The following ZFR variants were observed in gnomAD, a reference collection of about 807,000 sequenced individuals.
The protein encoded by ZFR is zinc finger RNA-binding protein.
ZFR carries 19 observed loss-of-function variants against 130.7 expected under a neutral mutation model. The observed-to-expected ratio is 0.15, with a 90% CI of 0.10 to 0.21. ZFR has a LOEUF of 0.21. ZFR is among the 10% of genes least tolerant of loss of function. The pLI, the probability that ZFR is intolerant of heterozygous loss-of-function variation, is 1.00. For synonymous variants in ZFR, 466 were observed against 456.9 expected (o/e 1.02, Z -0.25); for missense variants, 872 against 1,321.5 (o/e 0.66, Z 5.27).
intron 2 of ZFR, among the ~76,000 whole-genome samples, chr5:32,436,477 T>G (rs1438430795): frequency 6.6e-6 from 1 of 152,120 alleles, no homozygotes; most frequent in Non-Finnish European, 1.5e-5. Context: ...TATTTTTCTA[T>G]AAATAATTTA....
rs1164089061 is a variant in ZFR, at chr5:32,395,155, T to G, written c.1979+4A>C. On this transcript the variant is annotated splice_donor_region_variant and intron_variant, in intron 11 of 19. Coordinates refer to ENST00000265069, the MANE Select transcript of ZFR (RefSeq NM_016107.5). The stretch of plus-strand genomic sequence containing the variant: ...ACCAGGCTATTAAAAGTTAAAGATA[T>G]TACCTCATTTCCATTCTCCAACGCT... The G allele has an allele frequency of 1.3e-6, 2 of 1,588,556 alleles. No individual in the cohort carries two copies. The highest frequency in any genetic ancestry group is 2.3e-5 in the South Asian group (2 of 86,376).
intron 2 of ZFR, among the ~76,000 whole-genome samples, chr5:32,436,429 G>A (rs1754336811): frequency 6.6e-6 from 1 of 151,900 alleles, no homozygotes; most frequent in African/African-American, 2.4e-5. Context: ...GGTAATACAG[G>A]CGTGAGCCAC....
chr5:32,405,546 G>A (rs1402541343), intron 6 of ZFR, among the ~76,000 whole-genome samples: 8 of 152,134 alleles, frequency 5.3e-5, no homozygotes, highest in Non-Finnish European at 1.0e-4. Flanking sequence ...TCACCCAAGC[G>A]TCACGCTGTA....
chr5:32,411,901 G>T (rs1248879724), intron 5 of ZFR, among the ~76,000 whole-genome samples: 1 of 152,006 alleles, frequency 6.6e-6, no homozygotes, highest in Non-Finnish European at 1.5e-5. Flanking sequence ...ACAAATTTTG[G>T]TATCAATGGG....
chr5:32,398,837 C>T (rs199830102), intron 9 of ZFR, among the ~76,000 whole-genome samples: 1 of 151,932 alleles, frequency 6.6e-6, no homozygotes, highest in Non-Finnish European at 1.5e-5. Flanking sequence ...GTGTGCGCAA[C>T]TACTGGCCTT....
chr5:32,371,149 C>T (rs1220128608), intron 17 of ZFR, among the ~76,000 whole-genome samples: 2 of 152,122 alleles, frequency 1.3e-5, no homozygotes, highest in Non-Finnish European at 2.9e-5. Flanking sequence ...GCAAGAGGAT[C>T]GCTTGAGCCC....
Position 32,444,708 on chromosome 5 carries a change from T to C in ZFR, c.-50A>G, listed in dbSNP as rs1302061809. 2 of 1,498,684 alleles carry C rather than the reference T, an allele frequency of 1.3e-6. No individual in the cohort carries two copies. The highest frequency in any genetic ancestry group is 1.5e-5 in the African/African-American group (1 of 68,574). The allele number at this position is 1,498,684 out of a possible 1,614,324, so 92.8% of individuals were successfully genotyped here. ...TCTGAACTCTCACCCGCTGCCTCCC[T>C]CCTCTGCCCCGCTCCTCCTCAGCGG... On this transcript the variant is annotated 5_prime_UTR_variant, in exon 1 of 20. Transcript: ENST00000265069.
At chr5:32,381,799 C>T (rs1752942240) in intron 15 of ZFR, among the ~76,000 whole-genome samples, 1 of 152,006 alleles carries the variant, frequency 6.6e-6, no homozygotes, top group South Asian at 2.1e-4. Context: ...GACAGATAAT[C>T]AAGGAAAACT....
chr5:32,387,612 G>A lies in ZFR; in HGVS notation c.2436C>T (p.Cys812=), dbSNP rs756591314. The change falls in exon 14 of 20, where the codon TGC becomes TGT. Residue 812 remains cysteine (C), a synonymous_variant. Coordinates refer to ENST00000265069, the MANE Select transcript of ZFR (RefSeq NM_016107.5). ...ATAATGTCTTTGAAGGTTTCTCTGA[G>A]CACAGCAAAACAAGGTTGACATTTC... is the stretch of plus-strand genomic sequence containing the variant. ...GDRNVNLVLL[C]SEKPSKTLLS... 7.4e-6 allele frequency: 12 copies of A among 1,613,454 alleles called. No homozygotes were observed. Among genetic ancestry groups the A allele is most frequent in the East Asian group, 2.2e-5 (1 of 44,818 alleles).
chr5:32,364,086 T>A, intron 18 of ZFR, 41 bp from the exon 19 acceptor site: 1 of 1,600,688 alleles, frequency 6.2e-7, no homozygotes, highest in Non-Finnish European at 8.6e-7. Flanking sequence ...ATTAGCATTG[T>A]CCACTTATAA....
At chr5:32,441,183 G>C (rs1324921021) in intron 2 of ZFR, among the ~76,000 whole-genome samples, 1 of 152,140 alleles carries the variant, frequency 6.6e-6, no homozygotes, top group Non-Finnish European at 1.5e-5. Context: ...CGCCATGTTG[G>C]TCAGGCTGAT....
chr5:32,410,880 T>C (rs1448240217), intron 5 of ZFR, among the ~76,000 whole-genome samples: 1 of 152,214 alleles, frequency 6.6e-6, no homozygotes, highest in African/African-American at 2.4e-5. Flanking sequence ...GTGTATCACA[T>C]AGTCTTTAAA....
chr5:32,360,479 T>C (rs1752408146), intron 19 of ZFR, among the ~76,000 whole-genome samples: 1 of 152,338 alleles, frequency 6.6e-6, no homozygotes, highest in Non-Finnish European at 1.5e-5. Context: ...TAAGGTTCAT[T>C]CACATCATAG....
At chr5:32,431,993 ATT>A (rs572737993) in intron 2 of ZFR, among the ~76,000 whole-genome samples, 30 of 137,428 alleles carry the variant, frequency 2.2e-4, no homozygotes, top group Admixed American at 2.2e-4. Flanking sequence ...ATGCCCAGCT[ATT>A]TTTTTTTTTT....
At chr5:32,397,419 G>A in intron 9 of ZFR, 81 bp from the exon 10 acceptor site, 1 of 1,508,454 alleles carries the variant, frequency 6.6e-7, no homozygotes, top group Non-Finnish European at 9.0e-7. Context: ...ATTTGATGAA[G>A]TTGTACACAG....
rs151042613 is a variant in ZFR, at chr5:32,419,583, C to T, written c.420+238G>A. ...GAACTCCTGACCTCAGGTGATCCAC[C>T]CACCTTGGCCTCTCAAAGTGCTGGG... On this transcript the variant is annotated intron_variant, in intron 3 of 19. Coordinates refer to ENST00000265069, the MANE Select transcript of ZFR (RefSeq NM_016107.5). 2.4e-4 allele frequency among the ~76,000 whole-genome samples: 37 copies of T among 152,280 alleles called. No individual in the cohort carries two copies. The highest frequency in any genetic ancestry group is 2.6e-4 in the Admixed American group (4 of 15,296).
chr5:32,422,927 ACT>A (rs1213363236), intron 2 of ZFR, among the ~76,000 whole-genome samples: 1 of 151,656 alleles, frequency 6.6e-6, no homozygotes, highest in Non-Finnish European at 1.5e-5. Context: ...GAGTACACAC[ACT>A]CTATATTCTT....
chr5:32,370,371 C>A (rs369428372), intron 17 of ZFR, among the ~76,000 whole-genome samples: 2 of 147,184 alleles, frequency 1.4e-5, no homozygotes, highest in South Asian at 2.2e-4. Flanking sequence ...GACAGACAGG[C>A]AGGCAGACAG....
intron 2 of ZFR, among the ~76,000 whole-genome samples, chr5:32,421,478 A>G (rs1025125633): frequency 1.3e-5 from 2 of 152,232 alleles, no homozygotes; most frequent in Non-Finnish European, 2.9e-5. Flanking sequence ...AAACACTGAT[A>G]AACTAGGAAG....
Sources: allele counts gnomAD v4.1 joint callset (sites outside exome capture counted in the v4.1 genomes callset), GRCh38; gene constraint gnomAD v4.1.1; transcripts MANE v1.5; gene names NCBI Gene and HGNC (gene_info 2026-07-23, HGNC 2026-07-21).